The following CNTLN variants were observed in gnomAD, a reference collection of about 807,000 sequenced individuals.
CNTLN encodes centlein.
Under a neutral mutation model 180.0 loss-of-function variants are expected in CNTLN, and 212 were observed. The ratio of observed to expected loss-of-function variants is 1.18; its 90% CI spans 1.05 to 1.32. The LOEUF (loss-of-function observed/expected upper bound fraction) is 1.32. CNTLN is among the 40% of genes most tolerant of loss of function. CNTLN has a pLI of 0.00. For missense variants in CNTLN, 2,095 were observed against 1,610.9 expected (o/e 1.30, Z -5.14); for synonymous variants, 722 against 563.1 (o/e 1.28, Z -3.99).
chr9:17,184,046 G>C (rs1016368743), intron 2 of CNTLN, among the ~76,000 whole-genome samples: 2 of 152,082 alleles, frequency 1.3e-5, no homozygotes, highest in Non-Finnish European at 2.9e-5. Flanking sequence ...GAGATAACCT[G>C]ATTTATGATA....
intron 2 of CNTLN, among the ~76,000 whole-genome samples, chr9:17,222,718 C>A (rs957315098): frequency 6.6e-6 from 1 of 151,956 alleles, no homozygotes; most frequent in Admixed American, 6.6e-5. Context: ...TTGCTAAATC[C>A]AACAGTCATT....
intron 16 of CNTLN, among the ~76,000 whole-genome samples, chr9:17,413,558 C>T (rs7019482): frequency 0.34 from 52,205 of 151,878 alleles, 9,017 homozygotes; most frequent in South Asian, 0.44. Flanking sequence ...ACACTCAAAA[C>T]TTAACAGGAA....
the CNTLN span, among the ~76,000 whole-genome samples, chr9:17,520,842 C>T: frequency 6.6e-6 from 1 of 152,236 alleles, no homozygotes; most frequent in Non-Finnish European, 1.5e-5. Context: ...GGCAGCATCC[C>T]CCACCCTGCC....
chr9:17,486,212 A>C (rs1035715678), intron 24 of CNTLN, among the ~76,000 whole-genome samples: 1 of 152,132 alleles, frequency 6.6e-6, no homozygotes, highest in East Asian at 1.9e-4. Flanking sequence ...TGTTCTTTAC[A>C]CTATATCGAA....
At position 17,382,783 on chromosome 9, in the gene CNTLN, A is replaced by C. The variant is rs566152510; in HGVS notation, c.1988-5379A>C. On this transcript the variant is annotated intron_variant, in intron 13 of 25. Coordinates refer to ENST00000380647, the MANE Select transcript of CNTLN (RefSeq NM_017738.4). ...TTGGTGTGTTAATATTTCTGATCTT[A>C]TTCTCTTATTTAGTGACTTCTGCTA... 2.0e-5 allele frequency among the ~76,000 whole-genome samples: 3 copies of C among 152,264 alleles called. No homozygotes were observed. The South Asian group carries it at 6.2e-4, about 32-fold the overall frequency.
intron 5 of CNTLN, among the ~76,000 whole-genome samples, chr9:17,255,253 C>T (rs1378257536): frequency 6.6e-6 from 1 of 151,620 alleles, no homozygotes; most frequent in East Asian, 1.9e-4. Flanking sequence ...TGGGCAACCT[C>T]ATCTTGTTCC....
chr9:17,334,915 A>C (rs1820899819), intron 10 of CNTLN, among the ~76,000 whole-genome samples: 2 of 151,736 alleles, frequency 1.3e-5, no homozygotes, highest in African/African-American at 4.8e-5. Flanking sequence ...AAAATTAAAA[A>C]AAAAAAAAAA....
chr9:17,196,654 A>G (rs957782016), intron 2 of CNTLN, among the ~76,000 whole-genome samples: 4 of 150,998 alleles, frequency 2.6e-5, no homozygotes, highest in Non-Finnish European at 4.4e-5. Context: ...AATTAAATTA[A>G]TATTTTTAAT....
chr9:17,293,297 G>T (rs1817530005), intron 6 of CNTLN, among the ~76,000 whole-genome samples: 1 of 152,252 alleles, frequency 6.6e-6, no homozygotes, highest in South Asian at 2.1e-4. Context: ...GCTGCCCCTT[G>T]GCGGAGCGGG....
At chr9:17,270,322 C>A (rs1012858517) in intron 5 of CNTLN, among the ~76,000 whole-genome samples, 1 of 151,932 alleles carries the variant, frequency 6.6e-6, no homozygotes, top group Admixed American at 6.6e-5. Context: ...GTTTTTAAAT[C>A]GTAAGGTGTT....
downstream of CNTLN, among the ~76,000 whole-genome samples, chr9:17,505,307 G>T (rs1020221743): frequency 6.6e-6 from 1 of 151,992 alleles, no homozygotes; most frequent in Non-Finnish European, 1.5e-5. Flanking sequence ...TCAACATAAC[G>T]TGGGAAATTC....
the CNTLN span, among the ~76,000 whole-genome samples, chr9:17,516,002 AC>A: frequency 6.6e-6 from 1 of 152,054 alleles, no homozygotes; most frequent in African/African-American, 2.4e-5. Flanking sequence ...TACTCACTCC[AC>A]ATCACTACAG....
In CNTLN at chr9:17,394,637, T is replaced by C; in HGVS notation, c.2183T>C (p.Leu728Pro). The change falls in exon 15 of 26, where the codon CTC becomes CCC. Residue 728 changes from leucine to proline, a missense_variant. By Grantham distance (98) the Leu-to-Pro change is moderately conservative (BLOSUM62 -3). Coordinates refer to ENST00000380647, the MANE Select transcript of CNTLN (RefSeq NM_017738.4). ...AAAGAAAATGATTTTCTGAAATCCC[T>C]CTTAAAACAGCAACAAGAAGATACA... ...LMKENDFLKS[L>P]LKQQQEDTET... is the part of the protein sequence containing the mutation. The C allele has an allele frequency of 6.2e-7, 1 of 1,610,462 alleles. No homozygotes were observed. The highest frequency in any genetic ancestry group is 8.5e-7 in the Non-Finnish European group (1 of 1,178,806).
intron 13 of CNTLN, among the ~76,000 whole-genome samples, chr9:17,374,400 A>G (rs887100483): frequency 6.6e-6 from 1 of 152,218 alleles, no homozygotes; most frequent in Non-Finnish European, 1.5e-5. Context: ...ATACAAATCA[A>G]AACTAAAATG....
rs977963952 is a variant in CNTLN, at chr9:17,463,086, A to C, written c.3404+73A>C. ...CAACCAGCTCTATTAAACGTGCTCC[A>C]AGAAACTGCTAATGTTTACGTTTTC... On this transcript the variant is annotated intron_variant, in intron 20 of 25. Transcript: ENST00000380647. 1.6e-5 allele frequency: 13 copies of C among 807,554 alleles called. No homozygotes were observed. In the Admixed American group the frequency reaches 1.9e-4, roughly 12 times the overall value. 50.0% of individuals were successfully genotyped at this position (807,554 alleles called of 1,614,324 possible). A position where few individuals can be genotyped will look rare whatever the true frequency, so the allele number is the denominator to read the frequency against.
intron 6 of CNTLN, among the ~76,000 whole-genome samples, chr9:17,284,911 T>C (rs1828885986): frequency 6.6e-6 from 1 of 152,158 alleles, no homozygotes; most frequent in Admixed American, 6.5e-5. Flanking sequence ...TAAATTTCCC[T>C]CTTAACACTG....
intron 19 of CNTLN, among the ~76,000 whole-genome samples, chr9:17,460,645 C>T (rs1308871986): frequency 6.6e-6 from 1 of 151,740 alleles, no homozygotes; most frequent in Admixed American, 6.6e-5. Context: ...CAAAGTGTAT[C>T]TCAACCTGGC....
At chr9:17,162,965 A>G (rs1563837341) in intron 2 of CNTLN, among the ~76,000 whole-genome samples, 1 of 152,168 alleles carries the variant, frequency 6.6e-6, no homozygotes, top group Non-Finnish European at 1.5e-5. Flanking sequence ...ATAAAGATGT[A>G]CCTGAGACTG....
chr9:17,215,959 C>A (rs191376159), intron 2 of CNTLN, among the ~76,000 whole-genome samples: 1 of 152,202 alleles, frequency 6.6e-6, no homozygotes, highest in Non-Finnish European at 1.5e-5. Context: ...TCACAGCTTC[C>A]GTTTGCTAGG....
Sources: allele counts gnomAD v4.1 joint callset (sites outside exome capture counted in the v4.1 genomes callset), GRCh38; gene constraint gnomAD v4.1.1; transcripts MANE v1.5; gene names NCBI Gene and HGNC (gene_info 2026-07-23, HGNC 2026-07-21).